The following ERC1 variants were observed in gnomAD, a reference collection of about 807,000 sequenced individuals.
ERC1 encodes the protein RAB6 interacting protein 2.
In ERC1, 56 loss-of-function variants were observed where a neutral mutation model predicts 132.0. That is an observed-to-expected ratio of 0.42 (90% CI 0.34 to 0.53). The LOEUF (loss-of-function observed/expected upper bound fraction) is 0.53. Ranked by LOEUF, ERC1 falls within the 20% of genes least tolerant of loss-of-function variation. The pLI is 0.03. For missense variants in ERC1, 1,202 were observed against 1,349.9 expected, an observed-to-expected ratio of 0.89 and a Z score of 1.72; for synonymous variants, 478 against 476.1, an observed-to-expected ratio of 1.00 and a Z score of -0.05.
intron 2 of ERC1, among the ~76,000 whole-genome samples, chr12:1,047,360 CT>C (rs1971240146): frequency 1.3e-5 from 2 of 151,816 alleles, no homozygotes; most frequent in Admixed American, 6.6e-5. Flanking sequence ...TGTTAAATGG[CT>C]TTTTTAATGT....
chr12:1,329,726 A>C (rs2082729133), intron 15 of ERC1, among the ~76,000 whole-genome samples: 2 of 152,242 alleles, frequency 1.3e-5, no homozygotes, highest in Admixed American at 6.5e-5. Flanking sequence ...AGTGGATGTT[A>C]AAGTAATTCA....
At chr12:1,297,471 G>A (rs4444139) in intron 15 of ERC1, among the ~76,000 whole-genome samples, 43,782 of 148,816 alleles carry the variant, frequency 0.29, 6,745 homozygotes, top group Middle Eastern at 0.37. Flanking sequence ...AGAGGCCAAG[G>A]TGGGAGGATC....
chr12:1,209,692 T>G (rs1303659749), intron 12 of ERC1, among the ~76,000 whole-genome samples: 4 of 152,244 alleles, frequency 2.6e-5, no homozygotes, highest in Non-Finnish European at 4.4e-5. Flanking sequence ...TTGATGGATT[T>G]GGTTGGGGCC....
chr12:1,221,375 T>TA (rs1958968799), intron 12 of ERC1, among the ~76,000 whole-genome samples: 1 of 152,182 alleles, frequency 6.6e-6, no homozygotes, highest in Non-Finnish European at 1.5e-5. Context: ...GAAATTAGTG[T>TA]AGTAGTGAGA....
At chr12:1,431,134 G>A (rs989515726) in intron 17 of ERC1, among the ~76,000 whole-genome samples, 1 of 152,116 alleles carries the variant, frequency 6.6e-6, no homozygotes, top group Non-Finnish European at 1.5e-5. Flanking sequence ...GGAGAACCAC[G>A]AGCTGTGATG....
intron 9 of ERC1, 141 bp downstream of exon 9, chr12:1,180,818 G>T (rs993743640): frequency 1.0e-6 from 1 of 995,242 alleles, no homozygotes; most frequent in East Asian, 2.5e-5. Flanking sequence ...GTAGTGTGAA[G>T]GGAAACATTT....
At chr12:1,024,540 AC>A (rs1966806896) in intron 1 of ERC1, among the ~76,000 whole-genome samples, 1 of 152,178 alleles carries the variant, frequency 6.6e-6, no homozygotes, top group African/African-American at 2.4e-5. Flanking sequence ...CTCATTTTTG[AC>A]AATATGATTT....
intron 8 of ERC1, among the ~76,000 whole-genome samples, chr12:1,145,098 C>A (rs1377533026): frequency 2.6e-5 from 4 of 151,818 alleles, no homozygotes; most frequent in Non-Finnish European, 5.9e-5. Context: ...CTCACTGCAA[C>A]CTCCGTCTCC....
intron 1 of ERC1, among the ~76,000 whole-genome samples, chr12:997,412 G>GA (rs1961158257): frequency 6.6e-6 from 1 of 152,204 alleles, no homozygotes; most frequent in African/African-American, 2.4e-5. Flanking sequence ...AATACTTGAT[G>GA]AATGAATGGA....
chr12:1,445,887 G>C (rs1024608358), intron 18 of ERC1, among the ~76,000 whole-genome samples: 9 of 152,180 alleles, frequency 5.9e-5, no homozygotes, highest in African/African-American at 2.2e-4. Flanking sequence ...AAGTAACACA[G>C]ACAGGGTGGC....
chr12:1,297,663 C>T (rs1422781236), intron 15 of ERC1, among the ~76,000 whole-genome samples: 1 of 146,352 alleles, frequency 6.8e-6, no homozygotes, highest in African/African-American at 2.5e-5. Context: ...GCCAAGATCA[C>T]ACCACTGCAC....
chr12:1,145,871 C>T (rs1399771060), intron 8 of ERC1, among the ~76,000 whole-genome samples: 1 of 152,122 alleles, frequency 6.6e-6, no homozygotes, highest in East Asian at 1.9e-4. Context: ...TGTCAAAGAT[C>T]AGTTGGCAGT....
intron 15 of ERC1, among the ~76,000 whole-genome samples, chr12:1,299,838 A>G (rs1413337937): frequency 6.6e-6 from 1 of 152,184 alleles, no homozygotes; most frequent in East Asian, 1.9e-4. Flanking sequence ...ACGTAAAAAG[A>G]TAAGACAATA....
rs1216197984 is a variant in ERC1, at chr12:1,303,535, A to G, written c.2780+13523A>G. 2.0e-5 allele frequency among the ~76,000 whole-genome samples: 3 copies of G among 152,034 alleles called. No individual in the cohort carries two copies. In the East Asian group the frequency reaches 5.8e-4, roughly 29 times the overall value. ...GCACCTGTAGTCCCAGCTGCTGGGG[A>G]GACTGAGGCAGGAGAATGGCATGAA... On this transcript the variant is annotated intron_variant, in intron 15 of 18. Transcript: ENST00000360905.
At chr12:1,426,167 G>A (rs545888134) in intron 17 of ERC1, among the ~76,000 whole-genome samples, 14 of 150,292 alleles carry the variant, frequency 9.3e-5, no homozygotes, top group Middle Eastern at 3.5e-3. Context: ...GCAATGGTGC[G>A]ATCTCTGCTC....
At chr12:1,054,668 G>A (rs899459842) in intron 2 of ERC1, among the ~76,000 whole-genome samples, 18 of 152,198 alleles carry the variant, frequency 1.2e-4, no homozygotes, top group Admixed American at 8.5e-4. Flanking sequence ...GCATTCACTC[G>A]CACAAGGTGA....
At chr12:1,099,813 G>A (rs757746302) in intron 3 of ERC1, among the ~76,000 whole-genome samples, 1 of 145,752 alleles carries the variant, frequency 6.9e-6, no homozygotes, top group Non-Finnish European at 1.5e-5. Flanking sequence ...GGGTAATAAG[G>A]ATGAGCCTGC....
rs1193235198 is a variant in ERC1, at chr12:1,288,701, A to G, written c.2620-1151A>G. The stretch of plus-strand genomic sequence containing the variant: ...ACAAATGGGGTTTATGTAGGAGTCA[A>G]TGAATGGCAAATGCCCCACCTCTAC... On this transcript the variant is annotated intron_variant, in intron 14 of 18. Transcript: ENST00000360905. Among the ~76,000 whole-genome samples, 4 of 152,326 alleles carry G rather than the reference A, an allele frequency of 2.6e-5. No individual in the cohort carries two copies. In the South Asian group the frequency reaches 6.2e-4, roughly 24 times the overall value.
intron 12 of ERC1, among the ~76,000 whole-genome samples, chr12:1,220,229 C>A (rs899116150): frequency 6.6e-6 from 1 of 152,164 alleles, no homozygotes; most frequent in African/African-American, 2.4e-5. Flanking sequence ...TTTTTCTTAG[C>A]ACATGTCACT....
Sources: gnomAD v4.1 joint callset for allele counts (sites outside exome capture counted in the v4.1 genomes callset) on GRCh38, gnomAD v4.1.1 for gene constraint, MANE v1.5 for transcripts, NCBI Gene and HGNC (gene_info 2026-07-23, HGNC 2026-07-21) for gene names.